The following ANK3 variants were observed in gnomAD, a reference collection of about 807,000 sequenced individuals.
ANK3 encodes ankyrin 3.
ANK3 carries 57 observed loss-of-function variants against 370.9 expected under a neutral mutation model. The observed-to-expected ratio is 0.15, with a 90% CI of 0.12 to 0.19. The LOEUF is 0.19. ANK3 is among the 10% of genes least tolerant of loss of function. The probability of loss-of-function intolerance (pLI) is 1.00; values close to 1 mark genes in which losing one functional copy is unlikely to be tolerated. For synonymous variants in ANK3, 1,929 were observed against 1,946.3 expected, an observed-to-expected ratio of 0.99 and a Z score of 0.23; for missense variants, 4,439 against 5,302.1, an observed-to-expected ratio of 0.84 and a Z score of 5.06.
chr10:60,070,679 G>A lies in ANK3; in HGVS notation c.10202C>T (p.Ala3401Val). 2 of 1,614,162 alleles carry A rather than the reference G, an allele frequency of 1.2e-6. No homozygotes were observed. The highest frequency in any genetic ancestry group is 1.7e-6 in the Non-Finnish European group (2 of 1,180,022). Reference sequence around the variant, plus strand: ...GGCATCCGTGTCATGAGAAAACTCTGCTGTGGTGGCAATGGAACACTCTGT... The same window carrying A: ...GGCATCCGTGTCATGAGAAAACTCTACTGTGGTGGCAATGGAACACTCTGT... ...SITECSIATT[A>V]EFSHDTDATE... is the part of the protein sequence containing the mutation. The change falls in exon 37 of 44, where the codon GCA becomes GTA. Residue 3401 changes from alanine (A) to valine (V), a missense_variant. By Grantham distance (64) the Ala-to-Val change is moderately conservative (BLOSUM62 0). This residue lies in a region of ANK3 where 1,601 missense variants were observed against 1,731.7 expected (regional missense o/e 0.92). Transcript: ENST00000280772. This position sits in a 1 kb window ranked among gnomAD's most constrained non-coding sequence, Gnocchi z 5.7.
chr10:60,578,209 A>C (rs1342226853), intron 2 of ANK3, among the ~76,000 whole-genome samples: 2 of 152,230 alleles, frequency 1.3e-5, no homozygotes, highest in African/African-American at 2.4e-5. Flanking sequence ...ATATAATAAA[A>C]GTATATTAGT....
Position 60,567,469 on chromosome 10 carries a change from T to A in ANK3, c.96+47717A>T, listed in dbSNP as rs573823268. On this transcript the variant is annotated intron_variant, in intron 2 of 43. Transcript: ENST00000373827. ...TGAGACCTGCTGGCCAGAAAAAAAA[T>A]TTCTTTTTAAAATATTACTGCTCAT... Among the ~76,000 whole-genome samples, 7 of 152,184 alleles carry A rather than the reference T, an allele frequency of 4.6e-5. No individual in the cohort carries two copies. The East Asian group carries it at 9.7e-4, about 21-fold the overall frequency.
At chr10:60,163,895 A>G (rs140314483) in intron 23 of ANK3, among the ~76,000 whole-genome samples, 36 of 152,284 alleles carry the variant, frequency 2.4e-4, no homozygotes, top group African/African-American at 7.9e-4. Context: ...GGGGATACCA[A>G]TGTGATGATC....
Position 60,073,607 on chromosome 10 carries a change from C to G in ANK3, c.7274G>C (p.Ser2425Thr), listed in dbSNP as rs777021007. 6 of 1,613,836 alleles carry G rather than the reference C, an allele frequency of 3.7e-6. No homozygotes were observed. Among genetic ancestry groups the G allele is most frequent in the Non-Finnish European group, 5.1e-6 (6 of 1,179,988 alleles). ...GTCATCAGATATGAGTTGAGCAGAA[C>G]TAGGGCGGCTATCTTCTTCTTGGGA... ...PVSQEEDSRP[S>T]SAQLISDDSY... The change falls in exon 37 of 44, where the codon AGT becomes ACT. Residue 2425 changes from serine to threonine, a missense_variant. Transcript: ENST00000280772.
At chr10:60,086,910 T>A in intron 29 of ANK3, 26 bp from the exon 30 acceptor site, 1 of 1,435,356 alleles carries the variant, frequency 7.0e-7, no homozygotes, top group African/African-American at 1.6e-5. Flanking sequence ...GGACTTTAAA[T>A]GAAAGTGACT....
intron 7 of ANK3, among the ~76,000 whole-genome samples, chr10:60,246,939 C>G (rs2097564811): frequency 1.3e-5 from 2 of 152,180 alleles, no homozygotes; most frequent in African/African-American, 4.8e-5. Context: ...CTTGGATCTC[C>G]TCCCTTAATT....
intron 1 of ANK3, among the ~76,000 whole-genome samples, chr10:60,662,887 C>T (rs1159070905): frequency 1.3e-5 from 2 of 152,152 alleles, no homozygotes; most frequent in African/African-American, 4.8e-5. Flanking sequence ...TATCCCAGAA[C>T]TTTATGTTTT....
intron 1 of ANK3, among the ~76,000 whole-genome samples, chr10:60,689,541 C>G (rs968492118): frequency 6.6e-6 from 1 of 152,044 alleles, no homozygotes; most frequent in African/African-American, 2.4e-5. Flanking sequence ...CACTTGAGCT[C>G]AGGAGTTCGA....
Position 60,215,147 on chromosome 10 carries a change from G to A in ANK3, c.898-1637C>T, listed in dbSNP as rs549947241. On this transcript the variant is annotated intron_variant, in intron 8 of 43. Coordinates refer to ENST00000280772, the MANE Select transcript of ANK3 (RefSeq NM_020987.5). ...ACTTTTTTTCATATGCTTCTTGGCC[G>A]CATAAATGTCTTCTTTTGAGAAGTG... 9.9e-5 allele frequency among the ~76,000 whole-genome samples: 15 copies of A among 152,172 alleles called. 1 individual carries two copies. Among genetic ancestry groups the A allele is most frequent in the East Asian group, 3.9e-4 (2 of 5,182 alleles).
At chr10:60,592,976 G>A (rs559879667) in intron 2 of ANK3, among the ~76,000 whole-genome samples, 6 of 152,074 alleles carry the variant, frequency 3.9e-5, no homozygotes, top group African/African-American at 1.4e-4. Context: ...ATATCCTGGT[G>A]GAGAGAAGGG....
intron 2 of ANK3, among the ~76,000 whole-genome samples, chr10:60,395,821 G>A (rs1381789179): frequency 1.3e-5 from 2 of 152,086 alleles, no homozygotes; most frequent in Admixed American, 1.3e-4. Context: ...AAGTTTCCAT[G>A]GGCGAGAAAG....
At chr10:60,338,082 T>C (rs1566689111) in intron 1 of ANK3, among the ~76,000 whole-genome samples, 1 of 152,166 alleles carries the variant, frequency 6.6e-6, no homozygotes, top group Non-Finnish European at 1.5e-5. Flanking sequence ...GTACCTGTGT[T>C]CCTGTTACTC....
rs116793305 is a variant in ANK3 at position 60,574,601 on chromosome 10, T to G, written c.96+40585A>C. 4.5e-3 allele frequency among the ~76,000 whole-genome samples: 688 copies of G among 152,320 alleles called. 7 individuals carry two copies. Among genetic ancestry groups the G allele is most frequent in the African/African-American group, 0.016 (649 of 41,578 alleles). On this transcript the variant is annotated intron_variant, in intron 2 of 43. Coordinates refer to the ANK3 transcript ENST00000373827. The stretch of plus-strand genomic sequence containing the variant: ...AGTTCTTCAGTGATTCAACCCTTGC[T>G]CATCTTCAAAACACAGGGAAATCTG...
chr10:60,343,155 A>ATCATC, intron 1 of ANK3, among the ~76,000 whole-genome samples: 1 of 152,326 alleles, frequency 6.6e-6, no homozygotes. Flanking sequence ...TATTTATACA[A>ATCATC]TCATCCTATT....
intron 1 of ANK3, among the ~76,000 whole-genome samples, chr10:60,665,524 T>C (rs2078985364): frequency 6.6e-6 from 1 of 152,176 alleles, no homozygotes; most frequent in Non-Finnish European, 1.5e-5. Context: ...GGCTACTACA[T>C]TGTCGTGGGG....
chr10:60,516,405 C>A (rs778826842), intron 2 of ANK3, among the ~76,000 whole-genome samples: 13 of 152,066 alleles, frequency 8.5e-5, no homozygotes, highest in Admixed American at 3.3e-4. Context: ...GACAGTACCC[C>A]TGGAAGAGAG....
At chr10:60,635,919 C>T (rs1273626673) in intron 1 of ANK3, among the ~76,000 whole-genome samples, 1 of 152,088 alleles carries the variant, frequency 6.6e-6, no homozygotes, top group Non-Finnish European at 1.5e-5. Flanking sequence ...TAACTCTTGA[C>T]ATTTGAGAAC....
At chr10:60,362,996 G>A (rs1459729) in intron 1 of ANK3, among the ~76,000 whole-genome samples, 60,103 of 149,918 alleles carry the variant, frequency 0.4, 12,374 homozygotes, top group Middle Eastern at 0.5. Context: ...ATATTCCCAA[G>A]CCGTTTTCTT....
intron 1 of ANK3, among the ~76,000 whole-genome samples, chr10:60,351,128 T>C (rs2056777463): frequency 6.6e-6 from 1 of 152,212 alleles, no homozygotes; most frequent in Non-Finnish European, 1.5e-5. Context: ...GTGCTTCCAA[T>C]AGTTACTATG....
Sources: gnomAD v4.1 joint callset for allele counts (sites outside exome capture counted in the v4.1 genomes callset) on GRCh38, gnomAD v4.1.1 for gene constraint, gnomAD v4.1.1 regional missense constraint, Gnocchi (gnomAD v3.1) non-coding constraint, MANE v1.5 for transcripts, NCBI Gene and HGNC (gene_info 2026-07-23, HGNC 2026-07-21) for gene names.